Variants in CSF2RB observed in about 807,000 individuals in gnomAD.
CSF2RB encodes cytokine receptor common subunit beta.
A neutral mutation model predicts 67.2 loss-of-function variants in CSF2RB; 22 were observed. The ratio of observed to expected loss-of-function variants is 0.33; its 90% CI spans 0.23 to 0.47. CSF2RB has a LOEUF of 0.47. Among genes scored for constraint, CSF2RB ranks in the 20% least tolerant of loss-of-function variants. The pLI, the probability that CSF2RB is intolerant of heterozygous loss-of-function variation, is 1.00. For missense variants in CSF2RB, 1,113 were observed against 1,174.5 expected (o/e 0.95, Z 0.76); for synonymous variants, 507 against 482.9 (o/e 1.05, Z -0.65).
chr22:36,925,421 C>G (rs1326046864), intron 3 of CSF2RB, among the ~76,000 whole-genome samples: 1 of 152,212 alleles, frequency 6.6e-6, no homozygotes, highest in African/African-American at 2.4e-5. Flanking sequence ...AAGCATTTAT[C>G]AAAATCTACA....
At chr22:36,929,297 G>A (rs1941093340) in intron 4 of CSF2RB, 105 bp from the exon 5 acceptor site, 1 of 1,479,980 alleles carries the variant, frequency 6.8e-7, no homozygotes, top group Admixed American at 1.7e-5. Flanking sequence ...GCTGCTGGGG[G>A]CAGGGGTGGC....
Position 36,936,640 on chromosome 22 carries a change from C to T in CSF2RB, c.1556C>T (p.Pro519Leu), listed in dbSNP as rs1407645980. ...PHQGPWGSRF[P>L]ELEGVFPVGF... ...CAGGGGCCGTGGGGCAGCCGCTTCCCTGAGCTGGAGGGGTGAGTGGGCTCG... is the reference window on the plus strand; with the variant it reads ...CAGGGGCCGTGGGGCAGCCGCTTCCTTGAGCTGGAGGGGTGAGTGGGCTCG... Residue 519 changes from proline to leucine, a missense_variant, in exon 13 of 14, where the codon CCT becomes CTT. Physicochemically the swap from Pro to Leu is moderately conservative, Grantham distance 98. Coordinates refer to ENST00000403662, the MANE Select transcript of CSF2RB (RefSeq NM_000395.3). 5 of 1,613,344 alleles carry T rather than the reference C, an allele frequency of 3.1e-6. No homozygotes were observed. Among genetic ancestry groups the T allele is most frequent in the Non-Finnish European group, 4.2e-6 (5 of 1,179,914 alleles).
intron 4 of CSF2RB, 61 bp downstream of exon 4, chr22:36,926,238 G>A (rs1941014830): frequency 6.5e-7 from 1 of 1,540,794 alleles, no homozygotes; most frequent in South Asian, 1.1e-5. Flanking sequence ...GGGGCACCAG[G>A]GGTGGTCCAG....
intron 9 of CSF2RB, 78 bp from the exon 10 acceptor site, chr22:36,933,754 C>T (rs1941209167): frequency 3.9e-6 from 6 of 1,529,994 alleles, no homozygotes; most frequent in South Asian, 1.2e-5. Flanking sequence ...CCAGCGAAGC[C>T]GAGGGTCCAG....
chr22:36,932,689 G>T, intron 8 of CSF2RB, 76 bp from the exon 9 acceptor site: 1 of 1,555,056 alleles, frequency 6.4e-7, no homozygotes, highest in Middle Eastern at 2.1e-4. Flanking sequence ...CAGCCCCAGT[G>T]TCTAGCATGA....
At chr22:36,920,962 C>T (rs1313824863) in intron 1 of CSF2RB, among the ~76,000 whole-genome samples, 1 of 151,178 alleles carries the variant, frequency 6.6e-6, no homozygotes, top group Non-Finnish European at 1.5e-5. Flanking sequence ...AGTTTGTTTC[C>T]AGCCAGCATG....
chr22:36,938,340 C>G lies in CSF2RB; in HGVS notation c.2532C>G (p.Pro844=), dbSNP rs145966238. The G allele has an allele frequency of 1.2e-6, 2 of 1,614,084 alleles. No homozygotes were observed. Among genetic ancestry groups the G allele is most frequent in the African/African-American group, 1.3e-5 (1 of 74,918 alleles). The change falls in exon 14 of 14, where the codon CCC becomes CCG. Residue 844 remains proline, a synonymous_variant. Coordinates refer to ENST00000403662, the MANE Select transcript of CSF2RB (RefSeq NM_000395.3). ...GGAGTAAACCTTCTTCCCCGGGACC[C>G]GGTCCTGAGATCAAGAACCTAGACC... ...SLRSKPSSPG[P]GPEIKNLDQA...
chr22:36,921,319 GT>G (rs1179447681), intron 1 of CSF2RB, among the ~76,000 whole-genome samples: 1 of 151,686 alleles, frequency 6.6e-6, no homozygotes, highest in Non-Finnish European at 1.5e-5. Context: ...GTGTGTCTGT[GT>G]CTGCCTCTGT....
At chr22:36,936,723 G>A (rs1941275704) in intron 13 of CSF2RB, 71 bp downstream of exon 13, 2 of 1,376,682 alleles carry the variant, frequency 1.5e-6, no homozygotes, top group South Asian at 1.2e-5. Flanking sequence ...GTGGAAATCA[G>A]GGACTCAAGT....
At chr22:36,922,402 C>A in intron 2 of CSF2RB, 119 bp downstream of exon 2, 1 of 937,102 alleles carries the variant, frequency 1.1e-6, no homozygotes, top group South Asian at 1.4e-5. Context: ...TCCCCTCCCT[C>A]TGTCTCTCCC....
intron 3 of CSF2RB, chr22:36,923,752 A>T (rs1374353273): frequency 7.7e-7 from 1 of 1,299,210 alleles, no homozygotes; most frequent in South Asian, 1.2e-5. Flanking sequence ...CTGCCTGTCC[A>T]GAGTAGACCA....
intron 12 of CSF2RB, 65 bp downstream of exon 12, chr22:36,935,752 C>T: frequency 6.5e-7 from 1 of 1,530,354 alleles, no homozygotes; most frequent in Non-Finnish European, 8.9e-7. Flanking sequence ...GTCTCTGTCC[C>T]CACCTCCTCC....
chr22:36,923,790 C>T, intron 3 of CSF2RB: 1 of 1,291,150 alleles, frequency 7.7e-7, no homozygotes, highest in African/African-American at 1.5e-5. Context: ...CCTGGGAGTT[C>T]ACAGATGGGA....
intron 3 of CSF2RB, 66 bp downstream of exon 3, chr22:36,923,433 C>G (rs370532273): frequency 6.3e-7 from 1 of 1,580,442 alleles, no homozygotes; most frequent in Non-Finnish European, 8.6e-7. Flanking sequence ...TGGCATGGGG[C>G]GACAGTGTAG....
intron 10 of CSF2RB, 62 bp downstream of exon 10, chr22:36,934,056 G>A: frequency 6.3e-7 from 1 of 1,596,642 alleles, no homozygotes. Context: ...CTCACTGCCA[G>A]AAAATCCCCA....
At chr22:36,918,680 T>G (rs1940779219) in intron 1 of CSF2RB, among the ~76,000 whole-genome samples, 1 of 152,228 alleles carries the variant, frequency 6.6e-6, no homozygotes, top group Non-Finnish European at 1.5e-5. Flanking sequence ...CTTTCCCCAT[T>G]TGCTGTTGTA....
intron 8 of CSF2RB, 62 bp from the exon 9 acceptor site, chr22:36,932,703 A>C (rs527779033): frequency 1.3e-6 from 2 of 1,583,612 alleles, no homozygotes; most frequent in South Asian, 2.3e-5. Flanking sequence ...AGCATGAGAC[A>C]CGGGGAATGT....
rs1400189411 is a variant in CSF2RB at position 36,938,201 on chromosome 22, A to T, written c.2393A>T (p.Glu798Val). 1 of 1,613,970 alleles carries T rather than the reference A, an allele frequency of 6.2e-7. No individual in the cohort carries two copies. Among genetic ancestry groups the T allele is most frequent in the Non-Finnish European group, 8.5e-7 (1 of 1,179,996 alleles). Residue 798 changes from glutamate to valine, a missense_variant, in exon 14 of 14, where the codon GAA becomes GTA. Physicochemically the swap from Glu to Val is moderately radical, Grantham distance 121 (BLOSUM62 -2). This residue lies in a region of CSF2RB where 554 missense variants were observed against 517.9 expected (regional missense o/e 1.07). Coordinates refer to ENST00000403662, the MANE Select transcript of CSF2RB (RefSeq NM_000395.3). ...EAKSPVLNPG[E>V]RPADVSPTSP... ...AAAAGCCCTGTCCTGAACCCAGGGG[A>T]ACGCCCGGCAGATGTGTCCCCAACA...
At chr22:36,932,303 C>T (rs1189766405) in intron 8 of CSF2RB, among the ~76,000 whole-genome samples, 10 of 151,896 alleles carry the variant, frequency 6.6e-5, no homozygotes, top group South Asian at 2.1e-4. Flanking sequence ...GGCTTGGTGG[C>T]GGGTGCCTGT....
Sources: allele counts gnomAD v4.1 joint callset (sites outside exome capture counted in the v4.1 genomes callset), GRCh38; gene constraint gnomAD v4.1.1; regional missense constraint gnomAD v4.1.1; transcripts MANE v1.5; gene names NCBI Gene and HGNC (gene_info 2026-07-23, HGNC 2026-07-21).